ARHGEF3: variants seen among roughly 807,000 people sequenced by gnomAD.
ARHGEF3 encodes the protein 59.8 kDA protein.
A neutral mutation model predicts 63.2 loss-of-function variants in ARHGEF3; 28 were observed. The observed-to-expected ratio is 0.44, with a 90% CI of 0.33 to 0.61. ARHGEF3 has a LOEUF of 0.61. Ranked by LOEUF, ARHGEF3 falls within the 20% of genes least tolerant of loss-of-function variation. The pLI is 0.03. For missense variants in ARHGEF3, 533 were observed against 659.3 expected (o/e 0.81, Z 2.10); for synonymous variants, 266 against 254.2 (o/e 1.05, Z -0.44).
At chr3:56,741,057 C>A (rs1358278548) in intron 7 of ARHGEF3, among the ~76,000 whole-genome samples, 1 of 152,138 alleles carries the variant, frequency 6.6e-6, no homozygotes, top group African/African-American at 2.4e-5. Context: ...AATCAGTGTT[C>A]TCATTCCATG....
In ARHGEF3 at chr3:56,728,890, T is replaced by A. The variant is rs1410953350; in HGVS notation, c.*380A>T. ...AAATTCCGTGCCTTTAGCTACCACA[T>A]CTAAGAGCTGGGAAAGTGGTACAGA... On this transcript the variant is annotated 3_prime_UTR_variant, in exon 10 of 10. Transcript: ENST00000296315. The A allele has an allele frequency of 2.1e-5, 4 of 188,604 alleles. No homozygotes were observed. The highest frequency in any genetic ancestry group is 1.1e-5 in the Non-Finnish European group (1 of 89,472). The allele number at this position is 188,604 out of a possible 1,614,324, so 11.7% of individuals were successfully genotyped here.
intron 2 of ARHGEF3, among the ~76,000 whole-genome samples, chr3:56,765,951 A>C (rs528354597): frequency 2.5e-4 from 38 of 152,160 alleles, no homozygotes; most frequent in Non-Finnish European, 4.7e-4. Flanking sequence ...AACACAAAAT[A>C]AACAAAAGAA....
rs58006138 is a variant in ARHGEF3 at position 57,028,980 on chromosome 3, GAC to G, written c.62+6106_62+6107del. On this transcript the variant is annotated intron_variant, in intron 2 of 12. Coordinates refer to the ARHGEF3 transcript ENST00000338458. ...CATTACAAGGGCAGATAATGGTGAAGACACACACACACACACACACACACACA... is the reference window on the plus strand; with the variant it reads ...CATTACAAGGGCAGATAATGGTGAAGACACACACACACACACACACACACA... Among the ~76,000 whole-genome samples, 746 of 142,076 alleles carry G rather than the reference GAC, an allele frequency of 5.3e-3. 3 individuals are homozygous for G. Among genetic ancestry groups the G allele is most frequent in the African/African-American group, 0.014 (555 of 38,554 alleles). 93.2% of individuals were successfully genotyped at this position (142,076 alleles called of 152,430 possible).
intron 2 of ARHGEF3, among the ~76,000 whole-genome samples, chr3:57,016,635 GGA>G (rs1377964209): frequency 1.6e-4 from 24 of 152,124 alleles, no homozygotes; most frequent in African/African-American, 5.3e-4. Flanking sequence ...TCGAATGTGT[GGA>G]GAGTTTTTCA....
chr3:56,756,859 A>C (rs1339430666), intron 2 of ARHGEF3, among the ~76,000 whole-genome samples: 1 of 152,112 alleles, frequency 6.6e-6, no homozygotes, highest in South Asian at 2.1e-4. Context: ...ATAGCTGGCT[A>C]ACTCTTAACT....
At chr3:57,058,592 T>C (rs1472507324) in intron 1 of ARHGEF3, among the ~76,000 whole-genome samples, 3 of 152,208 alleles carry the variant, frequency 2.0e-5, no homozygotes, top group African/African-American at 7.2e-5. Flanking sequence ...TAGCGATTCC[T>C]CAGGGATCTA....
intron 3 of ARHGEF3, 21 bp from the exon 4 acceptor site, chr3:56,753,587 A>T: frequency 1.2e-6 from 2 of 1,605,022 alleles, no homozygotes; most frequent in East Asian, 4.5e-5. Context: ...AGATAAACAT[A>T]TTCACTGAAT....
At chr3:56,950,056 G>T (rs1341031659) in intron 3 of ARHGEF3, among the ~76,000 whole-genome samples, 3 of 152,038 alleles carry the variant, frequency 2.0e-5, no homozygotes, top group African/African-American at 7.3e-5. Flanking sequence ...AATAAATGGT[G>T]CTGGGAAAAC....
chr3:56,935,192 G>A (rs1211901291), intron 3 of ARHGEF3, among the ~76,000 whole-genome samples: 3 of 152,064 alleles, frequency 2.0e-5, no homozygotes, highest in African/African-American at 7.2e-5. Context: ...TGCACCAATC[G>A]ACACTCTGTA....
At chr3:56,775,318 T>C (rs758066383) in intron 1 of ARHGEF3, 492 of 1,186,272 alleles carry the variant, frequency 4.1e-4, no homozygotes, top group Non-Finnish European at 4.9e-4. Context: ...GTCTCAGAAA[T>C]CAACAGCCTT....
At chr3:56,775,070 G>T in intron 1 of ARHGEF3, 5 of 1,551,320 alleles carry the variant, frequency 3.2e-6, no homozygotes, top group Non-Finnish European at 3.5e-6. Flanking sequence ...AAATTTTGAT[G>T]GGCAAAGCCA....
At chr3:56,982,851 G>A (rs1363561391) in intron 2 of ARHGEF3, among the ~76,000 whole-genome samples, 2 of 151,740 alleles carry the variant, frequency 1.3e-5, no homozygotes, top group African/African-American at 4.8e-5. Flanking sequence ...TCTTCCCACC[G>A]AGCAAACACT....
At chr3:56,893,919 T>C (rs967015448) in intron 3 of ARHGEF3, among the ~76,000 whole-genome samples, 2 of 150,392 alleles carry the variant, frequency 1.3e-5, no homozygotes, top group African/African-American at 4.9e-5. Context: ...AAGAAGTTAT[T>C]ACATATAAGG....
chr3:57,076,236 T>C (rs1560182641), intron 1 of ARHGEF3, among the ~76,000 whole-genome samples: 1 of 142,130 alleles, frequency 7.0e-6, no homozygotes, highest in Non-Finnish European at 1.5e-5. Context: ...AATACATAAC[T>C]TGGCCTTGAA....
intron 2 of ARHGEF3, among the ~76,000 whole-genome samples, chr3:56,960,143 G>A (rs2106754243): frequency 6.7e-6 from 1 of 149,182 alleles, no homozygotes. Context: ...CCATACAAAA[G>A]AGATAAAATA....
intron 2 of ARHGEF3, among the ~76,000 whole-genome samples, chr3:56,997,788 T>C (rs11713153): frequency 0.22 from 33,138 of 152,092 alleles, 4,082 homozygotes; most frequent in Admixed American, 0.3. Flanking sequence ...TTCCCCTGTA[T>C]TATCAGGAAA....
chr3:56,850,665 A>G (rs1014971633), intron 4 of ARHGEF3, among the ~76,000 whole-genome samples: 1 of 152,192 alleles, frequency 6.6e-6, no homozygotes, highest in Non-Finnish European at 1.5e-5. Context: ...ACAAAATTGA[A>G]TTGTGTATTC....
At chr3:56,980,077 C>T (rs1033889851) in intron 2 of ARHGEF3, among the ~76,000 whole-genome samples, 10 of 152,276 alleles carry the variant, frequency 6.6e-5, no homozygotes, top group African/African-American at 1.7e-4. Context: ...ATAACTCACG[C>T]GCACCTCAAC....
chr3:56,755,708 C>T (rs57301401), intron 2 of ARHGEF3, among the ~76,000 whole-genome samples: 9,177 of 151,906 alleles, frequency 0.06, 296 homozygotes, highest in East Asian at 0.11. Flanking sequence ...ACATGAGTTA[C>T]GGGAGAAAGG....
Sources: gnomAD v4.1 joint callset for allele counts (sites outside exome capture counted in the v4.1 genomes callset) on GRCh38, gnomAD v4.1.1 for gene constraint, MANE v1.5 for transcripts, NCBI Gene and HGNC (gene_info 2026-07-23, HGNC 2026-07-21) for gene names.